EXOC6B: variants seen among roughly 807,000 people sequenced by gnomAD.
The protein encoded by EXOC6B is exocyst complex component 6B.
A neutral mutation model predicts 113.5 loss-of-function variants in EXOC6B; 54 were observed. That is an observed-to-expected ratio of 0.48 (90% confidence interval 0.38 to 0.60). The LOEUF (loss-of-function observed/expected upper bound fraction) is 0.60. Ranked by LOEUF, EXOC6B falls within the 20% of genes least tolerant of loss-of-function variation. The probability of loss-of-function intolerance (pLI) is 0.00; values close to 1 mark genes in which losing one functional copy is unlikely to be tolerated. For synonymous variants in EXOC6B, 357 were observed against 339.0 expected, an observed-to-expected ratio of 1.05 and a Z score of -0.58; for missense variants, 797 against 977.5, an observed-to-expected ratio of 0.82 and a Z score of 2.46.
intron 6 of EXOC6B, among the ~76,000 whole-genome samples, chr2:72,657,567 CTTTTTTTTT>C (rs70963136): frequency 1.8e-4 from 9 of 50,378 alleles, no homozygotes; most frequent in African/African-American, 7.6e-4. Context: ...CTTTCCTTTT[CTTTTTTTTT>C]TTTTTTTTTT....
At chr2:72,795,169 G>A (rs1236989158) in intron 1 of EXOC6B, among the ~76,000 whole-genome samples, 2 of 152,078 alleles carry the variant, frequency 1.3e-5, no homozygotes, top group Non-Finnish European at 2.9e-5. Context: ...GAGGAGAAGA[G>A]AGCCAGAGGT....
chr2:72,798,855 C>T (rs1194519823), intron 1 of EXOC6B, among the ~76,000 whole-genome samples: 1 of 151,990 alleles, frequency 6.6e-6, no homozygotes, highest in Non-Finnish European at 1.5e-5. Flanking sequence ...ACAACAACAA[C>T]AATAAAAACC....
intron 19 of EXOC6B, among the ~76,000 whole-genome samples, chr2:72,361,863 C>T (rs1690335822): frequency 6.6e-6 from 1 of 152,150 alleles, no homozygotes; most frequent in Non-Finnish European, 1.5e-5. Context: ...CGGATACTGA[C>T]TTTGAGACAA....
At chr2:72,716,770 C>G (rs145875162) in intron 6 of EXOC6B, among the ~76,000 whole-genome samples, 1 of 152,018 alleles carries the variant, frequency 6.6e-6, no homozygotes, top group African/African-American at 2.4e-5. Flanking sequence ...GCTGGCCTCA[C>G]GTTAAATAAA....
At chr2:72,258,662 AC>A (rs1559067790) in intron 20 of EXOC6B, among the ~76,000 whole-genome samples, 1 of 151,880 alleles carries the variant, frequency 6.6e-6, no homozygotes, top group Non-Finnish European at 1.5e-5. Flanking sequence ...GAGCCACCAC[AC>A]CAGGCCCTAA....
chr2:72,311,038 C>G (rs1289301819), intron 20 of EXOC6B, among the ~76,000 whole-genome samples: 1 of 152,098 alleles, frequency 6.6e-6, no homozygotes, highest in African/African-American at 2.4e-5. Flanking sequence ...CTCTTTTCCT[C>G]TCTTCTATAC....
chr2:72,691,641 T>C (rs1454432437), intron 6 of EXOC6B, among the ~76,000 whole-genome samples: 3 of 151,524 alleles, frequency 2.0e-5, no homozygotes, highest in East Asian at 3.9e-4. Flanking sequence ...AACTATAAAC[T>C]AGCAGGGCTT....
At chr2:72,648,390 G>C (rs982583924) in intron 6 of EXOC6B, among the ~76,000 whole-genome samples, 2 of 152,164 alleles carry the variant, frequency 1.3e-5, no homozygotes, top group Admixed American at 6.6e-5. Flanking sequence ...CAAGGATCTA[G>C]AACTAAAAAT....
At chr2:72,454,280 G>T (rs1367091935) in intron 18 of EXOC6B, among the ~76,000 whole-genome samples, 3 of 152,060 alleles carry the variant, frequency 2.0e-5, no homozygotes, top group Non-Finnish European at 2.9e-5. Flanking sequence ...AAGGCAGGAG[G>T]ATCACTTGAG....
At chr2:72,550,918 T>A (rs1411258185) in intron 8 of EXOC6B, among the ~76,000 whole-genome samples, 3 of 147,092 alleles carry the variant, frequency 2.0e-5, no homozygotes, top group Non-Finnish European at 3.0e-5. Context: ...ATTTTTTTTT[T>A]ATTTTTTTTT....
chr2:72,359,764 T>C (rs1245516319), intron 19 of EXOC6B, among the ~76,000 whole-genome samples: 1 of 152,142 alleles, frequency 6.6e-6, no homozygotes, highest in East Asian at 1.9e-4. Context: ...AAATCTCACG[T>C]TGAAACATGA....
chr2:72,636,820 A>G (rs1672869145), intron 6 of EXOC6B, among the ~76,000 whole-genome samples: 1 of 152,174 alleles, frequency 6.6e-6, no homozygotes, highest in South Asian at 2.1e-4. Flanking sequence ...TAGCCACTGC[A>G]ATGAGGCCAA....
intron 18 of EXOC6B, among the ~76,000 whole-genome samples, chr2:72,418,487 T>G (rs986975962): frequency 3.9e-5 from 6 of 152,222 alleles, no homozygotes; most frequent in Non-Finnish European, 8.8e-5. Context: ...TTATATATGT[T>G]GATGGTCTGT....
intron 18 of EXOC6B, among the ~76,000 whole-genome samples, chr2:72,442,062 T>C (rs1696236944): frequency 6.6e-6 from 1 of 152,178 alleles, no homozygotes; most frequent in South Asian, 2.1e-4. Flanking sequence ...CATGATCAAG[T>C]AGGCTTAATT....
At chr2:72,327,897 G>A (rs1688216916) in intron 20 of EXOC6B, among the ~76,000 whole-genome samples, 2 of 152,126 alleles carry the variant, frequency 1.3e-5, no homozygotes, top group African/African-American at 2.4e-5. Flanking sequence ...AGCAAGGGAA[G>A]GAGATAGATC....
At chr2:72,471,329 ATTTG>A (rs1336993449) in intron 17 of EXOC6B, among the ~76,000 whole-genome samples, 1 of 151,820 alleles carries the variant, frequency 6.6e-6, no homozygotes, top group Middle Eastern at 3.2e-3. Context: ...TTTCTTGTAA[ATTTG>A]TTTGAGTTTA....
intron 6 of EXOC6B, among the ~76,000 whole-genome samples, chr2:72,652,302 T>G (rs1051667315): frequency 6.6e-6 from 1 of 152,200 alleles, no homozygotes; most frequent in African/African-American, 2.4e-5. Flanking sequence ...AACCATGCAG[T>G]ATTTGAGAAA....
intron 18 of EXOC6B, among the ~76,000 whole-genome samples, chr2:72,415,860 G>T (rs1427335285): frequency 6.6e-6 from 1 of 152,094 alleles, no homozygotes; most frequent in Non-Finnish European, 1.5e-5. Context: ...CAGAGAAAAC[G>T]TGATTTCTAA....
At chr2:72,708,896 ATTTTTTT>A (rs1159794341) in intron 6 of EXOC6B, among the ~76,000 whole-genome samples, 6 of 69,802 alleles carry the variant, frequency 8.6e-5, no homozygotes, top group East Asian at 5.5e-4. Flanking sequence ...CATCCAGCTA[ATTTTTTT>A]TTTTTTTTTT....
Sources: gnomAD v4.1 joint callset for allele counts (sites outside exome capture counted in the v4.1 genomes callset) on GRCh38, gnomAD v4.1.1 for gene constraint, MANE v1.5 for transcripts, NCBI Gene and HGNC (gene_info 2026-07-23, HGNC 2026-07-21) for gene names.